The following DCC variants were observed in gnomAD, a reference collection of about 807,000 sequenced individuals.
The protein encoded by DCC is netrin receptor DCC.
A neutral mutation model predicts 172.5 loss-of-function variants in DCC; 58 were observed. The observed-to-expected ratio is 0.34, with a 90% CI of 0.27 to 0.42. DCC has a LOEUF of 0.42. Ranked by LOEUF, DCC falls within the 10% of genes least tolerant of loss-of-function variation. The probability of loss-of-function intolerance (pLI) is 1.00; values close to 1 mark genes in which losing one functional copy is unlikely to be tolerated. For synonymous variants in DCC, 709 were observed against 644.5 expected (o/e 1.10, Z -1.52); for missense variants, 1,740 against 1,791.0 (o/e 0.97, Z 0.51).
intron 1 of DCC, among the ~76,000 whole-genome samples, chr18:52,476,840 G>A (rs752832603): frequency 3.9e-5 from 6 of 152,098 alleles, no homozygotes; most frequent in Non-Finnish European, 5.9e-5. Flanking sequence ...GAATTTTGTC[G>A]AGCATCACTT....
chr18:53,517,579 C>CACAG (rs1491411391), intron 27 of DCC, among the ~76,000 whole-genome samples: 1 of 151,996 alleles, frequency 6.6e-6, no homozygotes, highest in African/African-American at 2.4e-5. Context: ...TCTCATTTTT[C>CACAG]ACAGACAGGT....
intron 5 of DCC, among the ~76,000 whole-genome samples, chr18:52,983,064 T>G (rs2041236195): frequency 6.6e-6 from 1 of 152,134 alleles, no homozygotes; most frequent in Non-Finnish European, 1.5e-5. Context: ...CTATAAAGTG[T>G]CTGGGGTTGG....
At chr18:52,591,252 C>A (rs2033793505) in intron 1 of DCC, among the ~76,000 whole-genome samples, 1 of 151,494 alleles carries the variant, frequency 6.6e-6, no homozygotes, top group South Asian at 2.1e-4. Flanking sequence ...AAAAAGCATG[C>A]TAATTATGGA....
intron 1 of DCC, among the ~76,000 whole-genome samples, chr18:52,469,292 AGGCCATCTGCCCACCTCAGGT>A (rs1353673690): frequency 1.3e-5 from 2 of 152,156 alleles, no homozygotes; most frequent in East Asian, 1.9e-4. Flanking sequence ...TCCTGAGCTC[AGGCCATCTGCCCACCTCAGGT>A]GGCCATCCGC....
intron 3 of DCC, among the ~76,000 whole-genome samples, chr18:52,914,730 G>A (rs902140489): frequency 2.0e-5 from 3 of 152,088 alleles, no homozygotes; most frequent in African/African-American, 4.8e-5. Flanking sequence ...GAAGGCTCAC[G>A]GTACCTGCTG....
At chr18:52,461,516 A>AT (rs1339515883) in intron 1 of DCC, among the ~76,000 whole-genome samples, 1 of 152,172 alleles carries the variant, frequency 6.6e-6, no homozygotes, top group East Asian at 1.9e-4. Context: ...TATGTGCTAG[A>AT]TTTTATATGA....
chr18:52,388,508 T>A (rs1985905692), intron 1 of DCC, among the ~76,000 whole-genome samples: 1 of 126,266 alleles, frequency 7.9e-6, no homozygotes, highest in Non-Finnish European at 1.6e-5. Context: ...TAAGTGCCAC[T>A]TTTTTTTTTC....
chr18:52,817,068 C>T (rs929844125), intron 2 of DCC, among the ~76,000 whole-genome samples: 1 of 152,116 alleles, frequency 6.6e-6, no homozygotes, highest in Non-Finnish European at 1.5e-5. Flanking sequence ...CGTTATATTA[C>T]ATTGACCATT....
At chr18:53,093,080 G>A (rs1205962631) in intron 7 of DCC, among the ~76,000 whole-genome samples, 11 of 152,132 alleles carry the variant, frequency 7.2e-5, no homozygotes, top group Admixed American at 7.2e-4. Context: ...CCAGGAGTTT[G>A]AGGCCAGCCT....
chr18:52,890,568 T>C (rs2039633715), intron 2 of DCC, among the ~76,000 whole-genome samples: 1 of 152,112 alleles, frequency 6.6e-6, no homozygotes, highest in Non-Finnish European at 1.5e-5. Context: ...GTAAATTTAC[T>C]AGTGAGAGAT....
At chr18:52,850,957 T>C (rs1387425156) in intron 2 of DCC, among the ~76,000 whole-genome samples, 1 of 152,114 alleles carries the variant, frequency 6.6e-6, no homozygotes, top group Non-Finnish European at 1.5e-5. Context: ...AGTCAGTGTT[T>C]TACAGCTTCG....
chr18:52,883,435 A>G (rs904155438), intron 2 of DCC, among the ~76,000 whole-genome samples: 11 of 145,144 alleles, frequency 7.6e-5, no homozygotes, highest in African/African-American at 2.8e-4. Context: ...GATTTTCTCT[A>G]GTGATATATT....
At chr18:53,239,652 A>G (rs1440093674) in intron 12 of DCC, among the ~76,000 whole-genome samples, 1 of 152,152 alleles carries the variant, frequency 6.6e-6, no homozygotes, top group East Asian at 1.9e-4. Flanking sequence ...ACAAAACCTC[A>G]CTGATTTTCT....
At chr18:53,012,851 G>A (rs760144413) in intron 5 of DCC, among the ~76,000 whole-genome samples, 15 of 151,946 alleles carry the variant, frequency 9.9e-5, no homozygotes, top group Non-Finnish European at 1.8e-4. Context: ...CTAATATCCA[G>A]CATCTATAAG....
intron 7 of DCC, among the ~76,000 whole-genome samples, chr18:53,075,773 T>C (rs988540588): frequency 3.3e-5 from 5 of 152,154 alleles, no homozygotes; most frequent in African/African-American, 9.7e-5. Flanking sequence ...GAGATATATA[T>C]TCCTTTTGAT....
chr18:53,507,084 C>T (rs2046189349), intron 27 of DCC, among the ~76,000 whole-genome samples: 1 of 135,002 alleles, frequency 7.4e-6, no homozygotes, highest in African/African-American at 2.5e-5. Flanking sequence ...TCCCTTTCTC[C>T]TTTTTGTTTT....
At chr18:52,926,119 T>C (rs2040197898) in intron 5 of DCC, among the ~76,000 whole-genome samples, 1 of 151,932 alleles carries the variant, frequency 6.6e-6, no homozygotes, top group Non-Finnish European at 1.5e-5. Flanking sequence ...AAACATTGAA[T>C]CTTAGGAATT....
At chr18:53,085,895 G>A (rs2144150111) in intron 7 of DCC, among the ~76,000 whole-genome samples, 1 of 151,006 alleles carries the variant, frequency 6.6e-6, no homozygotes, top group Non-Finnish European at 1.5e-5. Flanking sequence ...GGATAAAATT[G>A]AATATTTTGT....
At chr18:53,249,091 G>A (rs945587165) in intron 12 of DCC, among the ~76,000 whole-genome samples, 2 of 151,962 alleles carry the variant, frequency 1.3e-5, no homozygotes, top group African/African-American at 4.8e-5. Flanking sequence ...CTTTCCTGCT[G>A]AGTTTAACTT....
Sources: gnomAD v4.1 joint callset for allele counts (sites outside exome capture counted in the v4.1 genomes callset) on GRCh38, gnomAD v4.1.1 for gene constraint, MANE v1.5 for transcripts, NCBI Gene and HGNC (gene_info 2026-07-23, HGNC 2026-07-21) for gene names.